Variants in CC2D2A observed in about 807,000 individuals in gnomAD.
The protein encoded by CC2D2A is coiled-coil and C2 domain-containing protein 2A.
Under a neutral mutation model 212.9 loss-of-function variants are expected in CC2D2A, and 155 were observed. The observed-to-expected ratio is 0.73, with a 90% CI of 0.64 to 0.83. CC2D2A has a LOEUF of 0.83. CC2D2A is among the 40% of genes least tolerant of loss of function. The pLI, the probability that CC2D2A is intolerant of heterozygous loss-of-function variation, is 0.00. For synonymous variants in CC2D2A, 667 were observed against 686.5 expected, an observed-to-expected ratio of 0.97 and a Z score of 0.44; for missense variants, 1,856 against 1,956.2, an observed-to-expected ratio of 0.95 and a Z score of 0.97.
rs375083236 is a variant in CC2D2A, at chr4:15,599,691, G to A, written c.4659G>A (p.Gln1553=). ...ACCACAGAGCAGAACTGCTAAAACA[G>A]CTGGGAGACTACAGGGTAAGTTACA... ...EDDHRAELLK[Q]LGDYRFSGFP... is the part of the protein sequence containing the mutation. Residue 1553 remains glutamine (Q), a synonymous_variant, in exon 36 of 37, where the codon CAG becomes CAA. Transcript: ENST00000424120. The A allele has an allele frequency of 6.2e-7, 1 of 1,609,554 alleles. No individual in the cohort carries two copies. The highest frequency in any genetic ancestry group is 1.1e-5 in the South Asian group (1 of 90,668).
chr4:15,571,612 A>AAG (rs2109075347), intron 28 of CC2D2A, among the ~76,000 whole-genome samples: 1 of 151,856 alleles, frequency 6.6e-6, no homozygotes, highest in East Asian at 1.9e-4. Flanking sequence ...AAACCAAAAA[A>AAG]AAAAAAAAGA....
intron 9 of CC2D2A, among the ~76,000 whole-genome samples, chr4:15,515,612 C>A (rs1380111481): frequency 6.6e-6 from 1 of 152,140 alleles, no homozygotes; most frequent in East Asian, 1.9e-4. Flanking sequence ...TTGAATACTA[C>A]CTTCTTCTCA....
At chr4:15,544,797 C>G (rs1309356854) in intron 17 of CC2D2A, among the ~76,000 whole-genome samples, 1 of 152,178 alleles carries the variant, frequency 6.6e-6, no homozygotes, top group Non-Finnish European at 1.5e-5. Context: ...TGAATATTAG[C>G]TTGCTGTGGA....
chr4:15,549,558 A>T (rs1161328282), intron 17 of CC2D2A, among the ~76,000 whole-genome samples: 4 of 152,210 alleles, frequency 2.6e-5, no homozygotes. Flanking sequence ...ATCCCAGCAC[A>T]TGGGGAAGCT....
intron 10 of CC2D2A, 86 bp downstream of exon 10, chr4:15,516,090 A>C: frequency 7.5e-7 from 1 of 1,335,770 alleles, no homozygotes; most frequent in Non-Finnish European, 9.9e-7. Flanking sequence ...CATTGCATCC[A>C]CTGTACTCAT....
rs71179633 is a variant in CC2D2A, at chr4:15,500,099, G to GTATA, written c.248-2329_248-2328insATAT. ...ATTGTGTGTGTGTGTGTGTGTGTGTGTGTGTGTGTATATATATATATATAT... is the reference window on the plus strand; with the variant it reads ...ATTGTGTGTGTGTGTGTGTGTGTGTGTATATGTGTGTGTATATATATATATATAT... On this transcript the variant is annotated intron_variant, in intron 4 of 36. Coordinates refer to ENST00000424120, the MANE Select transcript of CC2D2A (RefSeq NM_001378615.1). Among the ~76,000 whole-genome samples the GTATA allele has an allele frequency of 8.8e-3, 611 of 69,496 alleles. 1 individual carries two copies. Among genetic ancestry groups the GTATA allele is most frequent in the Non-Finnish European group, 0.015 (440 of 28,648 alleles). The allele number at this position is 69,496 out of a possible 152,430, so 45.6% of individuals were successfully genotyped here.
At chr4:15,500,107 G>GTGTGTGTATATATATATA (rs1479141284) in intron 4 of CC2D2A, among the ~76,000 whole-genome samples, 18 of 112,942 alleles carry the variant, frequency 1.6e-4, no homozygotes, top group Middle Eastern at 4.2e-3. Flanking sequence ...GTGTGTGTGT[G>GTGTGTGTATATATATATA]TATATATATA....
At position 15,557,496 on chromosome 4, in the gene CC2D2A, A is replaced by C; in HGVS notation, c.2818A>C (p.Lys940Gln). 6.2e-7 allele frequency: 1 copy of C among 1,602,384 alleles called. No homozygotes were observed. Among genetic ancestry groups the C allele is most frequent in the East Asian group, 2.2e-5 (1 of 44,620 alleles). ...VPVYDREIME[K>Q]VFQDYEKRLR... ...AGTCTATGACCGAGAAATTATGGAA[A>C]AGGTATTCCAGGTAAGAAACTGCCA... The change falls in exon 21 of 37, where the codon AAG (lysine) becomes CAG (glutamine). Residue 940 changes from lysine to glutamine, a missense_variant. Coordinates refer to ENST00000424120, the MANE Select transcript of CC2D2A (RefSeq NM_001378615.1).
At chr4:15,482,235 T>A in intron 4 of CC2D2A, 5 of 985,168 alleles carry the variant, frequency 5.1e-6, no homozygotes, top group Non-Finnish European at 6.0e-6. Flanking sequence ...AGAGCTGTTA[T>A]GAATTAATAA....
At chr4:15,534,285 T>A (rs1053840063) in intron 14 of CC2D2A, among the ~76,000 whole-genome samples, 1 of 152,214 alleles carries the variant, frequency 6.6e-6, no homozygotes, top group African/African-American at 2.4e-5. Flanking sequence ...CTTTTTACTC[T>A]CTTTTTGTTG....
At chr4:15,484,004 C>T (rs986631647) in intron 4 of CC2D2A, among the ~76,000 whole-genome samples, 3 of 152,310 alleles carry the variant, frequency 2.0e-5, no homozygotes, top group Middle Eastern at 3.4e-3. Flanking sequence ...ATTTGTAAAA[C>T]AGGGACAATA....
At chr4:15,555,751 A>G (rs1719244451) in intron 20 of CC2D2A, among the ~76,000 whole-genome samples, 1 of 152,164 alleles carries the variant, frequency 6.6e-6, no homozygotes, top group Admixed American at 6.5e-5. Flanking sequence ...ACAAACAAAC[A>G]AACAAAACCC....
rs200707391 is a variant in CC2D2A at position 15,557,452 on chromosome 4, G to T, written c.2774G>T (p.Arg925Leu). The T allele has an allele frequency of 6.2e-6, 10 of 1,612,496 alleles. 1 individual carries two copies. The highest frequency in any genetic ancestry group is 1.1e-5 in the South Asian group (1 of 90,926). ...HLRSQEVPEF[R>L]NYKQVPVYDR... ...AGAAGCCAAGAGGTGCCAGAATTCCGAAATTATAAGCAAGTTCCAGTCTAT... is the reference window on the plus strand; with the variant it reads ...AGAAGCCAAGAGGTGCCAGAATTCCTAAATTATAAGCAAGTTCCAGTCTAT... Residue 925 changes from arginine (R) to leucine (L), a missense_variant, in exon 21 of 37, where the codon CGA becomes CTA. Arg to Leu is a moderately radical substitution (Grantham distance 102, BLOSUM62 -2). Transcript: ENST00000424120.
chr4:15,570,481 A>G lies in CC2D2A; in HGVS notation c.3579A>G (p.Ile1193Met), dbSNP rs1184400755. 6.2e-7 allele frequency: 1 copy of G among 1,602,334 alleles called. No individual in the cohort carries two copies. The highest frequency in any genetic ancestry group is 8.5e-7 in the Non-Finnish European group (1 of 1,172,324). Residue 1193 changes from isoleucine (I) to methionine (M), a missense_variant, in exon 28 of 37, where the codon ATA (isoleucine) becomes ATG (methionine). Coordinates refer to ENST00000424120, the MANE Select transcript of CC2D2A (RefSeq NM_001378615.1). ...GTGTGAAAATGCCATTTAGCACAAT[A>G]TATTTCCAAGCAAGGGTAAGTATCT... is the stretch of plus-strand genomic sequence containing the variant. The part of the protein sequence containing the change: ...LGCVKMPFST[I>M]YFQARIDGTF...
intron 4 of CC2D2A, among the ~76,000 whole-genome samples, chr4:15,489,197 TGAAAG>T (rs1715168951): frequency 6.6e-6 from 1 of 152,108 alleles, no homozygotes; most frequent in African/African-American, 2.4e-5. Flanking sequence ...ATGATGCAAA[TGAAAG>T]GAAATAAAGT....
chr4:15,511,522 AC>A, intron 8 of CC2D2A, 99 bp downstream of exon 8: 2 of 1,132,424 alleles, frequency 1.8e-6, no homozygotes, highest in Non-Finnish European at 1.2e-6. Flanking sequence ...GAAACCTGCC[AC>A]CACCAGGAGA....
intron 16 of CC2D2A, 42 bp downstream of exon 16, chr4:15,538,179 A>G (rs1316873773): frequency 6.7e-7 from 1 of 1,484,242 alleles, no homozygotes; most frequent in Non-Finnish European, 9.0e-7. Context: ...GACATCTGAT[A>G]CACATGTTCA....
At chr4:15,553,622 C>T (rs1719118866) in intron 19 of CC2D2A, among the ~76,000 whole-genome samples, 1 of 152,142 alleles carries the variant, frequency 6.6e-6, no homozygotes. Context: ...CACAGCATCA[C>T]AGTTGTATAT....
At chr4:15,534,357 C>T (rs1168567063) in intron 14 of CC2D2A, among the ~76,000 whole-genome samples, 1 of 152,050 alleles carries the variant, frequency 6.6e-6, no homozygotes, top group Non-Finnish European at 1.5e-5. Context: ...TTTTCTTTTA[C>T]TGTTGGTGCT....
Sources: allele counts gnomAD v4.1 joint callset (sites outside exome capture counted in the v4.1 genomes callset), GRCh38; gene constraint gnomAD v4.1.1; transcripts MANE v1.5; gene names NCBI Gene and HGNC (gene_info 2026-07-23, HGNC 2026-07-21).